Variants in MAF observed in about 807,000 individuals in gnomAD.
MAF encodes the protein MAF bZIP transcription factor, also known as transcription factor Maf.
Under a neutral mutation model 22.0 loss-of-function variants are expected in MAF, and 10 were observed. The ratio of observed to expected loss-of-function variants is 0.45; its 90% CI spans 0.28 to 0.77. The LOEUF (loss-of-function observed/expected upper bound fraction) is 0.77. Among genes scored for constraint, MAF ranks in the 30% least tolerant of loss-of-function variants. MAF has a pLI of 0.12. For synonymous variants in MAF, 337 were observed against 255.8 expected (o/e 1.32, Z -3.03); for missense variants, 544 against 548.4 (o/e 0.99, Z 0.08).
chr16:79,322,639 T>C, the MAF span, among the ~76,000 whole-genome samples: 15 of 152,180 alleles, frequency 9.9e-5, 1 homozygote, highest in African/African-American at 3.6e-4. Flanking sequence ...CAAATAAATG[T>C]ACAATTGCAT....
At chr16:79,567,796 A>T in the MAF span, among the ~76,000 whole-genome samples, 3 of 152,290 alleles carry the variant, frequency 2.0e-5, no homozygotes, top group African/African-American at 7.2e-5. Flanking sequence ...TGTGCAAAAT[A>T]CCTTCTAGTC....
chr16:79,551,315 G>C, the MAF span, among the ~76,000 whole-genome samples: 1 of 152,130 alleles, frequency 6.6e-6, no homozygotes, highest in Admixed American at 6.5e-5. Flanking sequence ...ATCATTTCTG[G>C]TTTTGAAACA....
the MAF span, among the ~76,000 whole-genome samples, chr16:79,324,724 A>G: frequency 6.6e-6 from 1 of 152,088 alleles, no homozygotes; most frequent in East Asian, 1.9e-4. Context: ...GCACTCCTGG[A>G]AAGGTAATAA....
At chr16:79,590,516 C>G (rs1226091656), downstream of MAF, among the ~76,000 whole-genome samples, 2 of 152,090 alleles carry the variant, frequency 1.3e-5, no homozygotes, top group Admixed American at 6.5e-5. Flanking sequence ...CCCTGGATGA[C>G]CAGGCATGGA....
chr16:79,374,546 T>A, the MAF span, among the ~76,000 whole-genome samples: 1 of 152,186 alleles, frequency 6.6e-6, no homozygotes, highest in South Asian at 2.1e-4. Flanking sequence ...CACCTGGTAA[T>A]ATTTCCAAGT....
the MAF span, among the ~76,000 whole-genome samples, chr16:79,225,301 C>A: frequency 6.6e-6 from 1 of 152,298 alleles, no homozygotes; most frequent in East Asian, 1.9e-4. Context: ...AGAAAACTGG[C>A]TAGCCATATG....
chr16:79,334,945 G>C, the MAF span, among the ~76,000 whole-genome samples: 3 of 151,872 alleles, frequency 2.0e-5, no homozygotes, highest in Non-Finnish European at 4.4e-5. Context: ...CCAGCACTTT[G>C]GGAGGCTGAG....
chr16:79,535,563 G>C, the MAF span, among the ~76,000 whole-genome samples: 1 of 148,328 alleles, frequency 6.7e-6, no homozygotes, highest in Non-Finnish European at 1.5e-5. Context: ...AAGGACTGAA[G>C]ATAGCATCAA....
the MAF span, among the ~76,000 whole-genome samples, chr16:79,438,142 C>T: frequency 2.0e-5 from 3 of 151,674 alleles, no homozygotes; most frequent in East Asian, 5.9e-4. Context: ...AGAGTGGGGG[C>T]AGGAGGTTCC....
At chr16:79,303,179 C>T in the MAF span, among the ~76,000 whole-genome samples, 3 of 152,160 alleles carry the variant, frequency 2.0e-5, no homozygotes, top group African/African-American at 7.2e-5. Context: ...ATGTTCTAGA[C>T]ATCTTAGAGC....
chr16:79,390,399 C>T, the MAF span, among the ~76,000 whole-genome samples: 1 of 152,188 alleles, frequency 6.6e-6, no homozygotes, highest in African/African-American at 2.4e-5. Context: ...ATAGCTCTGG[C>T]TGACCTCTAA....
the MAF span, among the ~76,000 whole-genome samples, chr16:79,550,778 GCA>G: frequency 0.31 from 46,823 of 151,864 alleles, 7,808 homozygotes; most frequent in Non-Finnish European, 0.39. Flanking sequence ...GAAATTTCAG[GCA>G]CACATAAAAG....
At chr16:79,550,283 A>G in the MAF span, among the ~76,000 whole-genome samples, 1 of 152,086 alleles carries the variant, frequency 6.6e-6, no homozygotes. Flanking sequence ...GATAATGAAG[A>G]TCTTCAGGGG....
chr16:79,336,381 G>A, the MAF span, among the ~76,000 whole-genome samples: 1 of 152,070 alleles, frequency 6.6e-6, no homozygotes, highest in African/African-American at 2.4e-5. Context: ...CACATAGCCA[G>A]TAAAGAACAG....
the MAF span, among the ~76,000 whole-genome samples, chr16:79,259,717 C>T: frequency 1.3e-5 from 2 of 152,136 alleles, no homozygotes; most frequent in Non-Finnish European, 2.9e-5. Context: ...GGGGGCAGGA[C>T]TGCTGGTCAT....
chr16:79,516,505 A>G, the MAF span, among the ~76,000 whole-genome samples: 1 of 152,146 alleles, frequency 6.6e-6, no homozygotes, highest in Non-Finnish European at 1.5e-5. Context: ...TGTTAAGTAA[A>G]TTGTCTAAGG....
At chr16:79,359,600 G>T in the MAF span, among the ~76,000 whole-genome samples, 1 of 152,186 alleles carries the variant, frequency 6.6e-6, no homozygotes, top group Non-Finnish European at 1.5e-5. Context: ...CTAAGGAGGA[G>T]AATTCAGATA....
rs148587414 is a variant in MAF, at chr16:79,594,003, G to A, written c.*457C>T. On this transcript the variant is annotated 3_prime_UTR_variant, in exon 2 of 2. Coordinates refer to ENST00000326043, the MANE Select transcript of MAF (RefSeq NM_005360.5). ...GCCTCTGCCCGTGGATTTGTTTAGG[G>A]AAGGGGAGTCGAATATCTATTTTTC... 1.2e-3 allele frequency: 268 copies of A among 224,300 alleles called. 1 individual carries two copies. In the East Asian group the frequency reaches 0.016, roughly 13 times the overall value. The allele number at this position is 224,300 out of a possible 1,614,324, so 13.9% of individuals were successfully genotyped here.
At chr16:79,245,416 A>C in the MAF span, among the ~76,000 whole-genome samples, 32 of 152,200 alleles carry the variant, frequency 2.1e-4, no homozygotes, top group Admixed American at 5.9e-4. Flanking sequence ...ACAGACACTT[A>C]TCAAAAGAAG....
Sources: allele counts gnomAD v4.1 joint callset (sites outside exome capture counted in the v4.1 genomes callset), GRCh38; gene constraint gnomAD v4.1.1; transcripts MANE v1.5; gene names NCBI Gene and HGNC (gene_info 2026-07-23, HGNC 2026-07-21).